PEG3: variants seen among roughly 807,000 people sequenced by gnomAD.
The protein encoded by PEG3 is paternally expressed 3, also known as paternally-expressed gene 3 protein.
PEG3 carries 23 observed loss-of-function variants against 35.5 expected under a neutral mutation model. The ratio of observed to expected loss-of-function variants is 0.65; its 90% CI spans 0.47 to 0.92. The LOEUF is 0.92. Among genes scored for constraint, PEG3 ranks in the 40% least tolerant of loss-of-function variants. The pLI is 0.00. For synonymous variants in PEG3, 707 were observed against 697.0 expected (o/e 1.01, Z -0.23); for missense variants, 1,960 against 1,985.3 (o/e 0.99, Z 0.24).
In PEG3 at chr19:56,817,359, G is replaced by C; in HGVS notation, c.1083C>G (p.Ile361Met). The C allele has an allele frequency of 6.2e-7, 1 of 1,613,798 alleles. No homozygotes were observed. The highest frequency in any genetic ancestry group is 8.5e-7 in the Non-Finnish European group (1 of 1,179,754). The change falls in exon 10 of 10, where the codon ATC becomes ATG. Residue 361 changes from isoleucine to methionine, a missense_variant. Ile to Met is a conservative substitution (Grantham distance 10). Transcript: ENST00000326441. ...DISLNKRESV[I>M]QQRVYEGNAF... is the part of the protein sequence containing the mutation. The stretch of plus-strand genomic sequence containing the variant: ...CATTCCCTTCATAAACCCGCTGCTG[G>C]ATCACTGACTCCCTCTTGTTCAATG...
chr19:56,823,014 C>T (rs2060648834), intron 5 of PEG3, among the ~76,000 whole-genome samples, 178 bp from the exon 6 acceptor site: 1 of 152,220 alleles, frequency 6.6e-6, no homozygotes, highest in Non-Finnish European at 1.5e-5. Context: ...CATATACCCG[C>T]AACATGGTTT....
chr19:56,824,373 G>A lies in PEG3; in HGVS notation c.283C>T (p.Leu95=). The A allele has an allele frequency of 6.2e-7, 1 of 1,614,178 alleles. No homozygotes were observed. The highest frequency in any genetic ancestry group is 8.5e-7 in the Non-Finnish European group (1 of 1,180,036). The change falls in exon 4 of 10, where the codon CTG becomes TTG. Residue 95 remains leucine, a synonymous_variant. Transcript: ENST00000326441. The part of the protein sequence containing the change: ...IIELLVLEQY[L]TIIPEKLKPW... ...TTGAGCTTTTCAGGGATGATGGTCA[G>A]GTACTGCTCAAGGACCAAGAGCTCG...
At chr19:56,823,118 C>G (rs1002625400) in intron 5 of PEG3, among the ~76,000 whole-genome samples, 2 of 152,192 alleles carry the variant, frequency 1.3e-5, no homozygotes, top group Non-Finnish European at 2.9e-5. Context: ...GCTGGCTTCC[C>G]AGTTCCTAAG....
Position 56,813,837 on chromosome 19 carries a change from AG to A in PEG3, c.4604del (p.Pro1535LeufsTer59). The A allele has an allele frequency of 6.2e-7, 1 of 1,614,206 alleles. No homozygotes were observed. Among genetic ancestry groups the A allele is most frequent in the Non-Finnish European group, 8.5e-7 (1 of 1,180,044 alleles). The part of the protein sequence containing the change: ...KTHASMIIFE[P>X]ANAFGECSGY... ...CTGAGCACTCCCCAAAGGCATTTGC[AG>A]GCTCAAATATGATCATGCTGGCATG... On this transcript the variant is annotated frameshift_variant, in exon 10 of 10. Coordinates refer to ENST00000326441, the MANE Select transcript of PEG3 (RefSeq NM_006210.3). LOFTEE classifies it low-confidence loss of function (END_TRUNC).
At position 56,814,012 on chromosome 19, in the gene PEG3, C is replaced by T; in HGVS notation, c.4430G>A (p.Gly1477Glu). The change falls in exon 10 of 10, where the codon GGA (glycine) becomes GAA (glutamate). Residue 1477 changes from glycine to glutamate, a missense_variant. Physicochemically the swap from Gly to Glu is moderately conservative, Grantham distance 98. Transcript: ENST00000326441. The surrounding 1 kb of genome is among the most constrained non-coding windows in gnomAD (Gnocchi z 5.8). ...CACACCGTCAGGCTCGTCGGCATCT[C>T]CCTCTGGCTCTTCAGCTTTTCCCTC... ...EPEGKAEEPE[G>E]DADEPDGVGI... The T allele has an allele frequency of 6.2e-7, 1 of 1,613,328 alleles. No homozygotes were observed. Among genetic ancestry groups the T allele is most frequent in the Non-Finnish European group, 8.5e-7 (1 of 1,179,336 alleles).
In PEG3 at chr19:56,834,410, C is replaced by T. The variant is rs900172718; in HGVS notation, c.-163+1608G>A. ...ACCCACATCCTCTTGGTTCTGATTC[C>T]GTACTCACCAAGCAACCTTCTCATT... On this transcript the variant is annotated intron_variant, in intron 2 of 9. Transcript: ENST00000326441. Among the ~76,000 whole-genome samples the T allele has an allele frequency of 3.3e-5, 5 of 152,164 alleles. No individual in the cohort carries two copies. In the East Asian group the frequency reaches 5.8e-4, roughly 18 times the overall value.
At position 56,810,362 on chromosome 19, in the gene PEG3, A is replaced by G. The variant is rs951181607; in HGVS notation, c.*3313T>C. 2.6e-5 allele frequency: 26 copies of G among 985,302 alleles called. No homozygotes were observed. Among genetic ancestry groups the G allele is most frequent in the Non-Finnish European group, 3.0e-5 (25 of 829,912 alleles). 61.0% of individuals were successfully genotyped at this position (985,302 alleles called of 1,614,324 possible). A position where few individuals can be genotyped will look rare whatever the true frequency, so the allele number is the denominator to read the frequency against. On this transcript the variant is annotated 3_prime_UTR_variant, in exon 10 of 10. Transcript: ENST00000326441. ...ATGACCTTTCAAGGAAACCGAAACA[A>G]AATAACCATAATCCCACAACAACCA...
intron 6 of PEG3, among the ~76,000 whole-genome samples, chr19:56,821,978 C>T (rs1017880033): frequency 4.6e-5 from 7 of 152,094 alleles, no homozygotes; most frequent in African/African-American, 1.2e-4. Context: ...CATCCTTCTG[C>T]TCCCAGTCTC....
chr19:56,822,587 C>T (rs891613848), intron 6 of PEG3, 166 bp downstream of exon 6: 85 of 818,576 alleles, frequency 1.0e-4, no homozygotes, highest in Non-Finnish European at 1.5e-4. Flanking sequence ...GCTGGTGGTA[C>T]CGAGTGGAAC....
intron 2 of PEG3, among the ~76,000 whole-genome samples, chr19:56,829,357 A>C (rs940906303): frequency 2.6e-5 from 4 of 152,074 alleles, no homozygotes; most frequent in Admixed American, 6.5e-5. Context: ...AAAAAAAAAA[A>C]AAAAGTCAGC....
Position 56,811,177 on chromosome 19 carries a change from C to G in PEG3, c.*2498G>C. 2 of 976,560 alleles carry G rather than the reference C, an allele frequency of 2.0e-6. No individual in the cohort carries two copies. The highest frequency in any genetic ancestry group is 2.4e-6 in the Non-Finnish European group (2 of 821,996). 60.5% of individuals were successfully genotyped at this position (976,560 alleles called of 1,614,324 possible). A position where few individuals can be genotyped will look rare whatever the true frequency, so the allele number is the denominator to read the frequency against. The stretch of plus-strand genomic sequence containing the variant: ...ATTATGTTCACAATGAAAATGTGAT[C>G]ATAAACTTTTTAGTAACACTACCAT... On this transcript the variant is annotated 3_prime_UTR_variant, in exon 10 of 10. Transcript: ENST00000326441.
At chr19:56,837,849 T>C (rs955198062) in intron 1 of PEG3, among the ~76,000 whole-genome samples, 4 of 151,632 alleles carry the variant, frequency 2.6e-5, no homozygotes, top group Admixed American at 6.6e-5. Flanking sequence ...CCAACACACG[T>C]GGTACTAGGA....
At chr19:56,831,968 A>AATGGC (rs2146540787) in intron 2 of PEG3, among the ~76,000 whole-genome samples, 1 of 152,316 alleles carries the variant, frequency 6.6e-6, no homozygotes, top group South Asian at 2.1e-4. Context: ...CTGTTTAATA[A>AATGGC]ATGGCATGAT....
intron 2 of PEG3, among the ~76,000 whole-genome samples, chr19:56,832,937 A>G (rs1174640083): frequency 6.6e-6 from 1 of 152,202 alleles, no homozygotes; most frequent in Non-Finnish European, 1.5e-5. Context: ...CATTAAAATG[A>G]GTAGGAAATA....
chr19:56,830,940 A>G (rs2061514712), intron 2 of PEG3, among the ~76,000 whole-genome samples: 1 of 151,978 alleles, frequency 6.6e-6, no homozygotes, highest in South Asian at 2.1e-4. Context: ...AAAAATAAAA[A>G]ACAATAAAAA....
In PEG3 at chr19:56,815,693, T is replaced by G. The variant is rs200862415; in HGVS notation, c.2749A>C (p.Lys917Gln). The change falls in exon 10 of 10, where the codon AAG becomes CAG. Residue 917 changes from lysine to glutamine, a missense_variant. Transcript: ENST00000326441. ...GGAACAGAGAATTCGCCATCCTTCT[T>G]AAACTCACCAGATCCCTCTCCAGGA... ...SVPGEGSGEF[K>Q]KDGEFSVPSS... 1.7e-4 allele frequency: 277 copies of G among 1,614,058 alleles called. No homozygotes were observed. Among genetic ancestry groups the G allele is most frequent in the Non-Finnish European group, 2.1e-4 (245 of 1,180,040 alleles).
At chr19:56,822,502 T>C (rs900455788) in intron 6 of PEG3, 5 of 422,408 alleles carry the variant, frequency 1.2e-5, no homozygotes, top group Non-Finnish European at 2.1e-5. Flanking sequence ...TCCAGTTTTT[T>C]TTTTTTTAAT....
chr19:56,818,069 CAT>C (rs2060143624), intron 8 of PEG3, among the ~76,000 whole-genome samples: 1 of 152,270 alleles, frequency 6.6e-6, no homozygotes, highest in African/African-American at 2.4e-5. Context: ...AAAGACCCCA[CAT>C]GTCCCTGAAA....
rs1204398604 is a variant in PEG3, at chr19:56,817,035, C to T, written c.1407G>A (p.Glu469=). ...RSFSVISEFV[E]HQIMHTRENL... ...TCTCTCTAGTATGCATGATCTGGTG[C>T]TCAACAAATTCTGAGATGACACTGA... The change falls in exon 10 of 10, where the codon GAG becomes GAA. Residue 469 remains glutamate (E), a synonymous_variant. Transcript: ENST00000326441. 13 of 1,614,108 alleles carry T rather than the reference C, an allele frequency of 8.1e-6. No individual in the cohort carries two copies. Among genetic ancestry groups the T allele is most frequent in the East Asian group, 2.2e-5 (1 of 44,874 alleles).
Sources: gnomAD v4.1 joint callset for allele counts (sites outside exome capture counted in the v4.1 genomes callset) on GRCh38, gnomAD v4.1.1 for gene constraint, Gnocchi (gnomAD v3.1) non-coding constraint, MANE v1.5 for transcripts, NCBI Gene and HGNC (gene_info 2026-07-23, HGNC 2026-07-21) for gene names.